Variants in CDH18 observed in about 807,000 individuals in gnomAD.
CDH18 encodes cadherin 18.
Under a neutral mutation model 67.9 loss-of-function variants are expected in CDH18, and 31 were observed. That is an observed-to-expected ratio of 0.46 (90% confidence interval 0.34 to 0.62). The LOEUF (loss-of-function observed/expected upper bound fraction) is 0.62. Among genes scored for constraint, CDH18 ranks in the 20% least tolerant of loss-of-function variants. The pLI, the probability that CDH18 is intolerant of heterozygous loss-of-function variation, is 0.01. For missense variants in CDH18, 890 were observed against 975.5 expected (o/e 0.91, Z 1.17); for synonymous variants, 362 against 347.2 (o/e 1.04, Z -0.48).
intron 2 of CDH18, among the ~76,000 whole-genome samples, chr5:20,000,888 AAGATATTT>A (rs1736388566): frequency 6.6e-6 from 1 of 152,164 alleles, no homozygotes; most frequent in African/African-American, 2.4e-5. Context: ...AAAACACTAC[AAGATATTT>A]AGTTGATATG....
intron 2 of CDH18, among the ~76,000 whole-genome samples, chr5:20,056,478 G>GGT (rs1741966070): frequency 6.1e-5 from 1 of 16,288 alleles, no homozygotes; most frequent in Non-Finnish European, 1.3e-4. Context: ...TCTTTCTTTT[G>GGT]TTTTTTTTTT....
At chr5:19,850,628 T>C (rs142201790) in intron 2 of CDH18, among the ~76,000 whole-genome samples, 27 of 151,972 alleles carry the variant, frequency 1.8e-4, no homozygotes, top group Admixed American at 1.4e-3. Context: ...TTTGATAAAT[T>C]GATCTGTGGC....
chr5:19,809,906 C>A (rs899899956), intron 3 of CDH18, among the ~76,000 whole-genome samples: 11 of 152,138 alleles, frequency 7.2e-5, no homozygotes, highest in African/African-American at 2.7e-4. Context: ...AGGATCAAAT[C>A]TCCACTTCCA....
At chr5:19,980,187 G>A (rs1473048052) in intron 2 of CDH18, among the ~76,000 whole-genome samples, 1 of 150,638 alleles carries the variant, frequency 6.6e-6, no homozygotes, top group African/African-American at 2.4e-5. Flanking sequence ...ATCAAATCAA[G>A]AACTCAACCC....
intron 2 of CDH18, among the ~76,000 whole-genome samples, chr5:20,154,207 A>G (rs1489015097): frequency 3.9e-5 from 6 of 152,182 alleles, no homozygotes; most frequent in African/African-American, 1.4e-4. Flanking sequence ...TGGATGCTCA[A>G]AGTATTTGTT....
At chr5:19,885,968 C>T (rs1482814656) in intron 2 of CDH18, 1 of 152,068 alleles carries the variant, frequency 6.6e-6, no homozygotes, top group Non-Finnish European at 1.5e-5. Flanking sequence ...GTGTGTGAGA[C>T]CAAAAAGTTT....
At chr5:19,868,984 C>T (rs1785915648) in intron 2 of CDH18, among the ~76,000 whole-genome samples, 1 of 152,050 alleles carries the variant, frequency 6.6e-6, no homozygotes, top group African/African-American at 2.4e-5. Context: ...AAGCGGACAG[C>T]CACTTATGAA....
At chr5:20,409,831 A>G (rs1746612570) in intron 1 of CDH18, among the ~76,000 whole-genome samples, 1 of 151,768 alleles carries the variant, frequency 6.6e-6, no homozygotes, top group African/African-American at 2.4e-5. Flanking sequence ...TGTCACAGAA[A>G]AAGAAAGGAT....
intron 1 of CDH18, among the ~76,000 whole-genome samples, chr5:20,408,619 A>T (rs1395790949): frequency 6.6e-6 from 1 of 151,914 alleles, no homozygotes; most frequent in East Asian, 1.9e-4. Flanking sequence ...ATGAAAGCAT[A>T]TTAATACTAA....
intron 4 of CDH18, among the ~76,000 whole-genome samples, chr5:19,722,470 C>T (rs151099341): frequency 4.0e-5 from 6 of 150,192 alleles, no homozygotes; most frequent in African/African-American, 1.5e-4. Flanking sequence ...ATTTAAAATA[C>T]TATATTTTGA....
chr5:19,933,903 T>C (rs1793968891), intron 2 of CDH18, among the ~76,000 whole-genome samples: 1 of 151,548 alleles, frequency 6.6e-6, no homozygotes, highest in Admixed American at 6.6e-5. Context: ...CATATAGTAT[T>C]GACTTGCCAA....
chr5:20,420,676 C>A (rs1485800930), intron 1 of CDH18, among the ~76,000 whole-genome samples: 1 of 151,010 alleles, frequency 6.6e-6, no homozygotes, highest in Non-Finnish European at 1.5e-5. Context: ...AAACTAAAAC[C>A]AAAATTACTT....
intron 1 of CDH18, among the ~76,000 whole-genome samples, chr5:20,262,420 A>C (rs987530034): frequency 2.0e-5 from 3 of 152,202 alleles, no homozygotes; most frequent in Non-Finnish European, 4.4e-5. Context: ...CTATAAAATT[A>C]TTCATTAAAA....
At chr5:20,391,143 A>T (rs1386360496) in intron 1 of CDH18, among the ~76,000 whole-genome samples, 7 of 152,136 alleles carry the variant, frequency 4.6e-5, no homozygotes, top group South Asian at 2.1e-4. Flanking sequence ...ATAAAAAAAT[A>T]AAAAATTAAA....
chr5:20,351,596 T>TG (rs1741191112), intron 1 of CDH18, among the ~76,000 whole-genome samples: 1 of 151,660 alleles, frequency 6.6e-6, no homozygotes, highest in South Asian at 2.1e-4. Context: ...GAAAATGTTT[T>TG]TTTTTGGACC....
intron 2 of CDH18, among the ~76,000 whole-genome samples, chr5:19,845,602 G>C (rs1782843841): frequency 6.6e-6 from 1 of 151,908 alleles, no homozygotes; most frequent in Admixed American, 6.6e-5. Context: ...ATTATTGAAA[G>C]TTTAGTATTG....
intron 5 of CDH18, among the ~76,000 whole-genome samples, chr5:19,641,839 AAAAAT>A (rs549897198): frequency 4.8e-4 from 73 of 152,126 alleles, no homozygotes; most frequent in Non-Finnish European, 8.3e-4. Flanking sequence ...TCAACAAGAA[AAAAAT>A]AAAATAAAAT....
rs202194392 is a variant in CDH18, at chr5:19,498,161, CTG to C, written c.1630+4829_1630+4830del. Among the ~76,000 whole-genome samples, 1,321 of 152,230 alleles carry C rather than the reference CTG, an allele frequency of 8.7e-3. 22 individuals carry two copies. Among genetic ancestry groups the C allele is most frequent in the African/African-American group, 0.03 (1,263 of 41,536 alleles). On this transcript the variant is annotated intron_variant, in intron 11 of 12. Transcript: ENST00000382275. The stretch of plus-strand genomic sequence containing the variant: ...AATTGTAAGAAAACATGCCCAATCT[CTG>C]TATCAGAGAGTATCATTATCCTTAT...
intron 6 of CDH18, among the ~76,000 whole-genome samples, chr5:19,609,213 G>A (rs1265903275): frequency 6.6e-6 from 1 of 151,876 alleles, no homozygotes; most frequent in African/African-American, 2.4e-5. Flanking sequence ...AGTACACATC[G>A]TTTGTGTACT....
Sources: allele counts gnomAD v4.1 joint callset (sites outside exome capture counted in the v4.1 genomes callset), GRCh38; gene constraint gnomAD v4.1.1; transcripts MANE v1.5; gene names NCBI Gene and HGNC (gene_info 2026-07-23, HGNC 2026-07-21).